Variants in FOXP2 observed in about 807,000 individuals in gnomAD.
FOXP2 encodes the protein forkhead box P2.
FOXP2 carries 12 observed loss-of-function variants against 115.8 expected under a neutral mutation model. The observed-to-expected ratio is 0.10, with a 90% confidence interval of 0.07 to 0.17. The LOEUF (loss-of-function observed/expected upper bound fraction) is 0.17, where lower values mean the gene tolerates loss of function less well. FOXP2 is among the 10% of genes least tolerant of loss of function. The pLI, the probability that FOXP2 is intolerant of heterozygous loss-of-function variation, is 1.00. For missense variants in FOXP2, 629 were observed against 843.5 expected, an observed-to-expected ratio of 0.75 and a Z score of 3.15; for synonymous variants, 328 against 297.7, an observed-to-expected ratio of 1.10 and a Z score of -1.05.
At chr7:114,244,161 A>G (rs1795221421) in intron 1 of FOXP2, among the ~76,000 whole-genome samples, 1 of 152,172 alleles carries the variant, frequency 6.6e-6, no homozygotes, top group African/African-American at 2.4e-5. Flanking sequence ...CGGTTTACAA[A>G]AAATTGTGAA....
chr7:114,483,434 T>C (rs139465860), intron 2 of FOXP2, among the ~76,000 whole-genome samples: 1,607 of 151,822 alleles, frequency 0.011, 8 homozygotes, highest in Non-Finnish European at 0.016. Context: ...TTCTAAATAT[T>C]GTGCTCAGTT....
chr7:114,519,592 T>C (rs535282840), intron 2 of FOXP2, among the ~76,000 whole-genome samples: 1 of 152,160 alleles, frequency 6.6e-6, no homozygotes, highest in South Asian at 2.1e-4. Flanking sequence ...CTCTGGTGAG[T>C]AGTCTGTTAG....
chr7:114,135,418 G>T (rs771240586), intron 1 of FOXP2, among the ~76,000 whole-genome samples: 51 of 152,092 alleles, frequency 3.4e-4, no homozygotes, highest in Non-Finnish European at 6.8e-4. Context: ...ATTGCTGTTG[G>T]CTGTGTAAGG....
intron 3 of FOXP2, among the ~76,000 whole-genome samples, chr7:114,613,461 G>T (rs915850093): frequency 6.6e-6 from 1 of 152,034 alleles, no homozygotes; most frequent in African/African-American, 2.4e-5. Context: ...GGATCATGAG[G>T]TCAGGAGATT....
chr7:114,170,249 T>A (rs886154252), intron 1 of FOXP2, among the ~76,000 whole-genome samples: 1 of 152,184 alleles, frequency 6.6e-6, no homozygotes, highest in Non-Finnish European at 1.5e-5. Context: ...AACAGCAAAC[T>A]TAATTGGTAA....
chr7:114,511,138 A>C (rs1284775041), intron 2 of FOXP2, among the ~76,000 whole-genome samples: 2 of 152,116 alleles, frequency 1.3e-5, no homozygotes, highest in Admixed American at 1.3e-4. Flanking sequence ...TCTCACTCAT[A>C]AGTGGGAGTT....
intron 3 of FOXP2, among the ~76,000 whole-genome samples, chr7:114,620,395 A>G (rs144571239): frequency 2.0e-5 from 3 of 152,182 alleles, no homozygotes; most frequent in Non-Finnish European, 4.4e-5. Context: ...GTGGTCTTGT[A>G]GTGGGAAACC....
rs1159763667 is a variant in FOXP2 at position 114,255,031 on chromosome 7, G to T, written c.-101-32988G>T. Among the ~76,000 whole-genome samples the T allele has an allele frequency of 3.9e-5, 6 of 152,290 alleles. No individual in the cohort carries two copies. In the South Asian group the frequency reaches 1.2e-3, roughly 32 times the overall value. ...TAACAATCAGGACCCTCAGCTGCAG[G>T]TCTGTCGGAGTTTGCTGGAGGTCCA... is the stretch of plus-strand genomic sequence containing the variant. On this transcript the variant is annotated intron_variant, in intron 1 of 17. Transcript: ENST00000634411.
chr7:114,652,070 G>C (rs1286631696), intron 8 of FOXP2, 133 bp from the exon 9 acceptor site: 1 of 787,726 alleles, frequency 1.3e-6, no homozygotes, highest in South Asian at 1.5e-5. Context: ...ACTTTTATCT[G>C]TATGGTTTCA....
At chr7:114,538,432 T>C (rs1024355709) in intron 3 of FOXP2, 27 of 1,048,930 alleles carry the variant, frequency 2.6e-5, no homozygotes, top group Non-Finnish European at 3.3e-5. Context: ...TTTTTAGCAT[T>C]GTAATCACTT....
chr7:114,212,204 A>G (rs1794375408), intron 1 of FOXP2, among the ~76,000 whole-genome samples: 2 of 151,858 alleles, frequency 1.3e-5, no homozygotes, highest in South Asian at 2.1e-4. Context: ...CTTTATTTTT[A>G]TATTGTTTTC....
At chr7:114,484,783 A>G (rs560586040) in intron 2 of FOXP2, among the ~76,000 whole-genome samples, 2 of 152,110 alleles carry the variant, frequency 1.3e-5, no homozygotes, top group African/African-American at 4.8e-5. Context: ...TTTAGATATC[A>G]CAAGTTGCAT....
At chr7:114,400,933 T>C (rs973665968) in intron 2 of FOXP2, among the ~76,000 whole-genome samples, 2 of 151,964 alleles carry the variant, frequency 1.3e-5, no homozygotes, top group East Asian at 3.9e-4. Flanking sequence ...GAATTTATAA[T>C]CAAGGCTCAG....
chr7:114,290,831 T>C (rs1796572704), intron 2 of FOXP2, among the ~76,000 whole-genome samples: 1 of 152,106 alleles, frequency 6.6e-6, no homozygotes, highest in Non-Finnish European at 1.5e-5. Context: ...TTTGTCAATC[T>C]AGAGAATAGA....
At chr7:114,600,175 G>A (rs1166411078) in intron 3 of FOXP2, among the ~76,000 whole-genome samples, 2 of 152,154 alleles carry the variant, frequency 1.3e-5, no homozygotes, top group South Asian at 2.1e-4. Context: ...CCACCTTATT[G>A]TTCCATCTCT....
At chr7:114,462,396 G>C (rs1795612409) in intron 2 of FOXP2, among the ~76,000 whole-genome samples, 1 of 100,504 alleles carries the variant, frequency 9.9e-6, no homozygotes, top group African/African-American at 3.6e-5. Context: ...TTTTAAGACA[G>C]AGTCTTGCTC....
At chr7:114,604,822 G>C (rs1243246493) in intron 3 of FOXP2, among the ~76,000 whole-genome samples, 1 of 152,124 alleles carries the variant, frequency 6.6e-6, no homozygotes, top group East Asian at 1.9e-4. Flanking sequence ...GGGGCTTGTA[G>C]ACATAATGAG....
At chr7:114,618,847 G>T (rs1804086419) in intron 3 of FOXP2, among the ~76,000 whole-genome samples, 1 of 152,038 alleles carries the variant, frequency 6.6e-6, no homozygotes, top group Admixed American at 6.5e-5. Context: ...TTATTACATA[G>T]AATTAAGTCT....
chr7:114,205,981 G>A (rs1453331540), intron 1 of FOXP2, among the ~76,000 whole-genome samples: 4 of 152,134 alleles, frequency 2.6e-5, no homozygotes, highest in Non-Finnish European at 5.9e-5. Context: ...TGTCATCCTG[G>A]CAGTTTGGGA....
Sources: gnomAD v4.1 joint callset for allele counts (sites outside exome capture counted in the v4.1 genomes callset) on GRCh38, gnomAD v4.1.1 for gene constraint, MANE v1.5 for transcripts, NCBI Gene and HGNC (gene_info 2026-07-23, HGNC 2026-07-21) for gene names.